Variants in RARB observed in about 807,000 individuals in gnomAD.
RARB encodes the protein HBV-activated protein.
A neutral mutation model predicts 51.9 loss-of-function variants in RARB; 17 were observed. That is an observed-to-expected ratio of 0.33 (90% CI 0.22 to 0.49). RARB has a LOEUF of 0.49. Ranked by LOEUF, RARB falls within the 20% of genes least tolerant of loss-of-function variation. RARB has a pLI of 0.99. For missense variants in RARB, 369 were observed against 550.8 expected, an observed-to-expected ratio of 0.67 and a Z score of 3.30; for synonymous variants, 215 against 195.4, an observed-to-expected ratio of 1.10 and a Z score of -0.84.
intron 5 of RARB, among the ~76,000 whole-genome samples, chr3:25,185,639 A>G (rs564820309): frequency 1.3e-5 from 2 of 152,196 alleles, no homozygotes; most frequent in East Asian, 3.9e-4. Flanking sequence ...TATAATCAGA[A>G]TGGCTTTTAT....
intron 4 of RARB, among the ~76,000 whole-genome samples, chr3:25,167,342 G>C (rs541636269): frequency 6.6e-6 from 1 of 152,132 alleles, no homozygotes; most frequent in Admixed American, 6.5e-5. Context: ...AATCATCAAA[G>C]ATAACAAGAA....
At chr3:25,317,772 T>C (rs957751157) in intron 5 of RARB, among the ~76,000 whole-genome samples, 1 of 152,208 alleles carries the variant, frequency 6.6e-6, no homozygotes, top group African/African-American at 2.4e-5. Context: ...ATCTCAACTA[T>C]TAGTAAAAGA....
chr3:25,082,606 A>T (rs1699028974), intron 3 of RARB, among the ~76,000 whole-genome samples: 1 of 152,034 alleles, frequency 6.6e-6, no homozygotes. Flanking sequence ...TTTTACCTTT[A>T]GGTATTTTAT....
chr3:24,989,154 G>C (rs1346994523), intron 2 of RARB, among the ~76,000 whole-genome samples: 2 of 152,096 alleles, frequency 1.3e-5, no homozygotes, highest in African/African-American at 4.8e-5. Flanking sequence ...ATATAATTCT[G>C]CAGTGCTTTT....
chr3:24,885,811 G>A (rs895737358), intron 2 of RARB, among the ~76,000 whole-genome samples: 1 of 152,182 alleles, frequency 6.6e-6, no homozygotes, highest in Admixed American at 6.5e-5. Flanking sequence ...ACCAGATGAT[G>A]TTTCAAATAG....
intron 2 of RARB, among the ~76,000 whole-genome samples, chr3:24,877,260 ATACAT>A (rs1703064048): frequency 6.6e-6 from 1 of 151,262 alleles, no homozygotes; most frequent in Non-Finnish European, 1.5e-5. Context: ...AAGAGGATAA[ATACAT>A]TAAACTCTGA....
chr3:25,247,790 T>A (rs1702601940), intron 5 of RARB, among the ~76,000 whole-genome samples: 1 of 152,368 alleles, frequency 6.6e-6, no homozygotes. Flanking sequence ...GGAATCATTT[T>A]ATGTCTTAAC....
intron 2 of RARB, among the ~76,000 whole-genome samples, chr3:24,874,918 C>A (rs1703012911): frequency 6.6e-6 from 1 of 151,956 alleles, no homozygotes; most frequent in Non-Finnish European, 1.5e-5. Flanking sequence ...ACGCTCATTT[C>A]CCTCCTTTTA....
chr3:25,203,726 A>C (rs941491557), intron 5 of RARB, among the ~76,000 whole-genome samples: 1 of 152,208 alleles, frequency 6.6e-6, no homozygotes, highest in African/African-American at 2.4e-5. Context: ...TTTGGATTGA[A>C]AATTCTTTTC....
intron 4 of RARB, 78 bp from the exon 5 acceptor site, chr3:25,580,468 T>G: frequency 7.4e-7 from 1 of 1,352,484 alleles, no homozygotes; most frequent in South Asian, 1.5e-5. Context: ...CCCCCTCTAA[T>G]TGGAAACACA....
intron 5 of RARB, among the ~76,000 whole-genome samples, chr3:25,245,159 A>C (rs185459612): frequency 1.3e-5 from 2 of 152,132 alleles, no homozygotes; most frequent in Non-Finnish European, 2.9e-5. Context: ...TTTGCTTGGT[A>C]AATCTTCCTC....
intron 3 of RARB, among the ~76,000 whole-genome samples, chr3:25,551,783 G>A (rs1488027850): frequency 1.3e-5 from 2 of 152,146 alleles, no homozygotes; most frequent in African/African-American, 4.8e-5. Flanking sequence ...CTGCCAGATA[G>A]GTCTTGTGGG....
intron 2 of RARB, among the ~76,000 whole-genome samples, chr3:24,951,786 C>A (rs1444901007): frequency 1.3e-5 from 2 of 152,184 alleles, no homozygotes; most frequent in Non-Finnish European, 2.9e-5. Context: ...ATTTAATCCC[C>A]ACTCTTTTGG....
At chr3:24,984,387 C>A (rs140775425) in intron 2 of RARB, among the ~76,000 whole-genome samples, 1 of 152,204 alleles carries the variant, frequency 6.6e-6, no homozygotes, top group Non-Finnish European at 1.5e-5. Context: ...GTGTTAAGCG[C>A]TGAGAATATT....
At chr3:24,942,965 G>C (rs1695699860) in intron 2 of RARB, among the ~76,000 whole-genome samples, 1 of 152,120 alleles carries the variant, frequency 6.6e-6, no homozygotes, top group African/African-American at 2.4e-5. Flanking sequence ...GCTATCTAAA[G>C]TTTTGGAAAC....
intron 2 of RARB, among the ~76,000 whole-genome samples, chr3:24,928,497 G>T (rs1465440930): frequency 1.3e-5 from 2 of 151,906 alleles, no homozygotes; most frequent in African/African-American, 2.4e-5. Flanking sequence ...TATTTTAAAA[G>T]ATTATTTTTC....
chr3:24,965,678 G>A (rs923780951), intron 2 of RARB, among the ~76,000 whole-genome samples: 9 of 152,134 alleles, frequency 5.9e-5, no homozygotes, highest in African/African-American at 2.2e-4. Flanking sequence ...CAGTTATAAG[G>A]ATTAAATGAA....
At chr3:25,210,023 A>G (rs1277044126) in intron 5 of RARB, among the ~76,000 whole-genome samples, 4 of 152,252 alleles carry the variant, frequency 2.6e-5, no homozygotes, top group African/African-American at 7.2e-5. Flanking sequence ...ACCCCACAAG[A>G]CATTCTCAGG....
intron 5 of RARB, among the ~76,000 whole-genome samples, chr3:25,190,869 G>T (rs977990315): frequency 6.6e-6 from 1 of 152,020 alleles, no homozygotes; most frequent in African/African-American, 2.4e-5. Context: ...GATGTTGCCA[G>T]ATGTGCCATC....
Sources: gnomAD v4.1 joint callset for allele counts (sites outside exome capture counted in the v4.1 genomes callset) on GRCh38, gnomAD v4.1.1 for gene constraint, MANE v1.5 for transcripts, NCBI Gene and HGNC (gene_info 2026-07-23, HGNC 2026-07-21) for gene names.